The following ZC3H12B variants were observed in gnomAD, a reference collection of about 807,000 sequenced individuals.
ZC3H12B encodes probable ribonuclease ZC3H12B.
In ZC3H12B, 7 loss-of-function variants were observed where a neutral mutation model predicts 43.9. That is an observed-to-expected ratio of 0.16 (90% CI 0.09 to 0.30). The LOEUF (loss-of-function observed/expected upper bound fraction) is 0.30. ZC3H12B is among the 10% of genes least tolerant of loss of function. The pLI, the probability that ZC3H12B is intolerant of heterozygous loss-of-function variation, is 1.00. For synonymous variants in ZC3H12B, 222 were observed against 241.7 expected (o/e 0.92, Z 0.76); for missense variants, 475 against 670.2 (o/e 0.71, Z 3.22).
chrX:65,168,460 G>A, the ZC3H12B span, among the ~76,000 whole-genome samples: 150 of 110,617 alleles, frequency 1.4e-3, no homozygotes, highest in Non-Finnish European at 1.8e-3. Context: ...GAGGAGTTTT[G>A]CATCTATGTT....
At chrX:65,157,207 C>A in the ZC3H12B span, among the ~76,000 whole-genome samples, 68 of 111,382 alleles carry the variant, frequency 6.1e-4, no homozygotes, top group African/African-American at 2.2e-3. Context: ...TCTCAGACTT[C>A]TGTGCTCAAG....
chrX:65,043,494 C>T, the ZC3H12B span, among the ~76,000 whole-genome samples: 1 of 109,651 alleles, frequency 9.1e-6, no homozygotes, highest in Non-Finnish European at 1.9e-5. Context: ...TAAGTTAATA[C>T]AAAATATTAA....
chrX:65,499,321 A>T (rs2068334080), intron 3 of ZC3H12B, 88 bp downstream of exon 8: 1 of 742,681 alleles, frequency 1.3e-6, no homozygotes, highest in Middle Eastern at 3.5e-4. Context: ...CTTACTGTGT[A>T]TCATACATTT....
At chrX:65,111,959 A>G in the ZC3H12B span, among the ~76,000 whole-genome samples, 1 of 112,096 alleles carries the variant, frequency 8.9e-6, no homozygotes, top group Admixed American at 9.5e-5. Context: ...AAGGCCAGAA[A>G]TGATTACACT....
At chrX:65,184,950 T>C in the ZC3H12B span, 1 of 111,812 alleles carries the variant, frequency 8.9e-6, no homozygotes, top group Non-Finnish European at 1.9e-5. Flanking sequence ...TATATATTAC[T>C]TTCTTCATTT....
chrX:65,503,534 G>A (rs1326081769), exon 5 of ZC3H12B: 2 of 166,240 alleles, frequency 1.2e-5, no homozygotes, highest in African/African-American at 6.1e-5. Flanking sequence ...ACAAAACCCA[G>A]GGGGAGAGGT....
At chrX:65,469,576 G>A (rs2067877927) in intron 3 of ZC3H12B, 1 of 266,215 alleles carries the variant, frequency 3.8e-6, no homozygotes, top group Non-Finnish European at 7.0e-6. Flanking sequence ...TGATGACTTT[G>A]AGCTCAGATA....
chrX:65,075,171 A>T, the ZC3H12B span, among the ~76,000 whole-genome samples: 1 of 112,470 alleles, frequency 8.9e-6, no homozygotes, highest in Non-Finnish European at 1.9e-5. Context: ...GGACTTGTAT[A>T]TGCAAATTTT....
At chrX:65,336,555 G>T in the ZC3H12B span, among the ~76,000 whole-genome samples, 1 of 112,400 alleles carries the variant, frequency 8.9e-6, no homozygotes, top group African/African-American at 3.2e-5. Flanking sequence ...GTTGTGTCCT[G>T]TCATCTTTAA....
At chrX:65,453,359 CATATATATATATAT>C (rs1159840122) in intron 3 of ZC3H12B, among the ~76,000 whole-genome samples, 28 of 27,174 alleles carry the variant, frequency 1.0e-3, no homozygotes, top group East Asian at 4.9e-3. Flanking sequence ...AGCTCAAATG[CATATATATATATAT>C]ATATATATAT....
intron 3 of ZC3H12B, among the ~76,000 whole-genome samples, chrX:65,460,045 G>A (rs757440913): frequency 3.6e-4 from 40 of 111,820 alleles, no homozygotes; most frequent in African/African-American, 1.2e-3. Context: ...AAAATCACAA[G>A]CATTTTTATA....
At chrX:65,084,798 G>T in the ZC3H12B span, among the ~76,000 whole-genome samples, 2 of 112,686 alleles carry the variant, frequency 1.8e-5, no homozygotes, top group Non-Finnish European at 3.8e-5. Flanking sequence ...TTAAGTGATA[G>T]TTGCACTCTC....
At chrX:65,430,161 T>C (rs997164403) in intron 3 of ZC3H12B, among the ~76,000 whole-genome samples, 2 of 111,542 alleles carry the variant, frequency 1.8e-5, no homozygotes, top group Non-Finnish European at 3.8e-5. Context: ...CCAGATTATG[T>C]AAAGCTCATG....
chrX:65,191,852 G>A, the ZC3H12B span, among the ~76,000 whole-genome samples: 1 of 104,041 alleles, frequency 9.6e-6, no homozygotes, highest in East Asian at 3.0e-4. Context: ...GCTTTTGAAT[G>A]TGTTTGCTCT....
chrX:65,230,345 G>A, the ZC3H12B span, among the ~76,000 whole-genome samples: 1 of 108,705 alleles, frequency 9.2e-6, no homozygotes, highest in East Asian at 2.9e-4. Context: ...GAGCTCACAT[G>A]GACGCAGGAA....
At chrX:65,160,871 CG>C in the ZC3H12B span, among the ~76,000 whole-genome samples, 1,265 of 111,197 alleles carry the variant, frequency 0.011, 7 homozygotes, top group South Asian at 0.033. Flanking sequence ...AATTTTGGAT[CG>C]TTCCTGCTTT....
chrX:65,401,638 A>G (rs1384141185), intron 3 of ZC3H12B, among the ~76,000 whole-genome samples: 2 of 111,775 alleles, frequency 1.8e-5, no homozygotes, highest in Non-Finnish European at 3.8e-5. Context: ...CACATTTCTA[A>G]CCCCAGGCTG....
chrX:65,174,929 A>G, the ZC3H12B span, among the ~76,000 whole-genome samples: 2 of 109,247 alleles, frequency 1.8e-5, no homozygotes, highest in African/African-American at 3.3e-5. Flanking sequence ...AAAAAAAAAC[A>G]AAAAACAAAC....
At chrX:65,337,886 G>T in the ZC3H12B span, among the ~76,000 whole-genome samples, 1 of 112,369 alleles carries the variant, frequency 8.9e-6, no homozygotes, top group South Asian at 3.7e-4. Context: ...CTCACAAGGG[G>T]ATATTTGGCA....
Sources: allele counts gnomAD v4.1 joint callset (sites outside exome capture counted in the v4.1 genomes callset), GRCh38; gene constraint gnomAD v4.1.1; transcripts MANE v1.5; gene names NCBI Gene and HGNC (gene_info 2026-07-23, HGNC 2026-07-21).